The following VPS13D variants were observed in gnomAD, a reference collection of about 807,000 sequenced individuals.
VPS13D encodes the protein vacuolar protein sorting 13 homolog D, also known as intermembrane lipid transfer protein VPS13D.
In VPS13D, 187 loss-of-function variants were observed where a neutral mutation model predicts 461.9. The ratio of observed to expected loss-of-function variants is 0.40; its 90% confidence interval spans 0.36 to 0.46. The LOEUF (loss-of-function observed/expected upper bound fraction) is 0.46. VPS13D is among the 20% of genes least tolerant of loss of function. VPS13D has a pLI of 0.60. For synonymous variants in VPS13D, 1,951 were observed against 1,986.3 expected, an observed-to-expected ratio of 0.98 and a Z score of 0.47; for missense variants, 4,711 against 5,364.9, an observed-to-expected ratio of 0.88 and a Z score of 3.81.
At chr1:12,440,573 C>G (rs1287575225) in intron 65 of VPS13D, among the ~76,000 whole-genome samples, 1 of 152,110 alleles carries the variant, frequency 6.6e-6, no homozygotes, top group Non-Finnish European at 1.5e-5. Context: ...TCTATTTATG[C>G]AATTTAAAGT....
chr1:12,273,120 T>C lies in VPS13D; in HGVS notation c.2221T>C (p.Leu741=). 1 of 1,614,084 alleles carries C rather than the reference T, an allele frequency of 6.2e-7. No individual in the cohort carries two copies. Among genetic ancestry groups the C allele is most frequent in the Non-Finnish European group, 8.5e-7 (1 of 1,179,978 alleles). ...LVVVDLGRML[L]TNTQDNSRRK... The stretch of plus-strand genomic sequence containing the variant: ...TGTCGTGGATCTAGGAAGAATGCTT[T>C]TGACGAACACCCAAGGTATAGTGTG... Residue 741 remains leucine (L), a synonymous_variant, in exon 18 of 70, where the codon TTG becomes CTG. Transcript: ENST00000620676.
At position 12,349,907 on chromosome 1, in the gene VPS13D, C is replaced by G. The variant is rs369854175; in HGVS notation, c.9431+533C>G. ...ATAATACTGGATTGCTATGTTACACCCTAACAAATTTAGACTTTCAACTTA... is the reference window on the plus strand; with the variant it reads ...ATAATACTGGATTGCTATGTTACACGCTAACAAATTTAGACTTTCAACTTA... On this transcript the variant is annotated intron_variant, in intron 46 of 69. Transcript: ENST00000620676. Among the ~76,000 whole-genome samples the G allele has an allele frequency of 4.6e-5, 7 of 152,106 alleles. No homozygotes were observed. The South Asian group carries it at 1.5e-3, about 32-fold the overall frequency.
At position 12,495,927 on chromosome 1, in the gene VPS13D, C is replaced by CT. The variant is rs1465709449; in HGVS notation, c.12663-1572dup. ...AAGCTCCTTCCCCCAACCCCGCTGC[C>CT]TGCAGAGGTTACCAGCATCCTCTCG... On this transcript the variant is annotated intron_variant, in intron 67 of 69. Transcript: ENST00000620676. This position sits in a 1 kb window ranked among gnomAD's most constrained non-coding sequence, Gnocchi z 4.0. Among the ~76,000 whole-genome samples the CT allele has an allele frequency of 6.6e-6, 1 of 152,222 alleles. No homozygotes were observed. The highest frequency in any genetic ancestry group is 1.5e-5 in the Non-Finnish European group (1 of 68,040).
chr1:12,363,951 C>CAAA (rs70987247), intron 52 of VPS13D, among the ~76,000 whole-genome samples: 4 of 44,576 alleles, frequency 9.0e-5, no homozygotes, highest in Admixed American at 7.2e-4. Context: ...GACTCTATCT[C>CAAA]AAAAAAAAAA....
intron 61 of VPS13D, among the ~76,000 whole-genome samples, chr1:12,401,270 A>G (rs1419975786): frequency 6.6e-6 from 1 of 152,130 alleles, no homozygotes; most frequent in Non-Finnish European, 1.5e-5. Flanking sequence ...CGGATCCACA[A>G]GCCCAGCCAT....
intron 67 of VPS13D, among the ~76,000 whole-genome samples, chr1:12,487,112 A>G (rs921131704): frequency 2.6e-5 from 4 of 152,130 alleles, no homozygotes; most frequent in African/African-American, 9.7e-5. Context: ...GGCCTGAAAC[A>G]GATTCTCTTT....
At chr1:12,242,668 T>A in intron 3 of VPS13D, 78 bp downstream of exon 3, 1 of 1,293,000 alleles carries the variant, frequency 7.7e-7, no homozygotes, top group East Asian at 2.3e-5. Flanking sequence ...CCCTGGAGTT[T>A]GTATTGATTT....
rs190779486 is a variant in VPS13D, at chr1:12,498,213, T to C, written c.12794+582T>C. ...AGAGATCCTTGTAGCATGAAAGTGC[T>C]CTATAACCTGAATAGGTGTTAGAAC... On this transcript the variant is annotated intron_variant, in intron 68 of 69. Transcript: ENST00000620676. Among the ~76,000 whole-genome samples the C allele has an allele frequency of 8.5e-5, 13 of 152,338 alleles. 1 individual carries two copies. The highest frequency in any genetic ancestry group is 3.1e-4 in the African/African-American group (13 of 41,570).
chr1:12,257,760 T>C (rs750346248), intron 9 of VPS13D, among the ~76,000 whole-genome samples, 175 bp from the exon 10 acceptor site: 84 of 142,532 alleles, frequency 5.9e-4, no homozygotes, highest in Non-Finnish European at 6.2e-4. Context: ...CTTTGGCAGA[T>C]TTGCCTTCTC....
intron 7 of VPS13D, among the ~76,000 whole-genome samples, chr1:12,254,513 CTTTTTTTTTTT>C (rs1017635589): frequency 0.051 from 4,017 of 78,188 alleles, 194 homozygotes; most frequent in African/African-American, 0.18. Flanking sequence ...AAATCTCAAT[CTTTTTTTTTTT>C]TTTTTTTTTT....
chr1:12,307,751 C>T (rs1173895090), intron 26 of VPS13D, among the ~76,000 whole-genome samples: 1 of 152,138 alleles, frequency 6.6e-6, no homozygotes, highest in Non-Finnish European at 1.5e-5. Context: ...CTCAGCCTCC[C>T]AAAGTGCTGG....
At chr1:12,448,664 A>G (rs1645224161) in intron 65 of VPS13D, among the ~76,000 whole-genome samples, 1 of 152,224 alleles carries the variant, frequency 6.6e-6, no homozygotes. Flanking sequence ...TATAGGGAAA[A>G]TAGGATTTGA....
chr1:12,244,491 G>A, intron 4 of VPS13D, 46 bp from the exon 5 acceptor site: 1 of 1,613,962 alleles, frequency 6.2e-7, no homozygotes, highest in Non-Finnish European at 8.5e-7. Context: ...CGTGTAAGAT[G>A]AGCAAGAACA....
At position 12,354,079 on chromosome 1, in the gene VPS13D, T is replaced by C; in HGVS notation, c.9537T>C (p.Tyr3179=). The change falls in exon 47 of 70, where the codon TAT becomes TAC. Residue 3179 remains tyrosine (Y), a synonymous_variant. Transcript: ENST00000620676. ...QIFRQPGHTI[Y]LLPTVVICNL... Reference sequence around the variant, plus strand: ...TCAGACAGCCTGGGCATACCATATATCTCCTGCCAACTGTGGTAATCTGCA... The same window carrying C: ...TCAGACAGCCTGGGCATACCATATACCTCCTGCCAACTGTGGTAATCTGCA... 3 of 1,614,154 alleles carry C rather than the reference T, an allele frequency of 1.9e-6. No homozygotes were observed. Among genetic ancestry groups the C allele is most frequent in the Non-Finnish European group, 2.5e-6 (3 of 1,180,038 alleles).
At chr1:12,339,951 C>T (rs979842317) in intron 40 of VPS13D, among the ~76,000 whole-genome samples, 3 of 152,220 alleles carry the variant, frequency 2.0e-5, no homozygotes, top group African/African-American at 7.2e-5. Flanking sequence ...TGGAAACTTA[C>T]AGTCTGGCTC....
intron 65 of VPS13D, among the ~76,000 whole-genome samples, chr1:12,418,760 T>G (rs1013645471): frequency 6.6e-5 from 10 of 152,202 alleles, no homozygotes; most frequent in African/African-American, 2.2e-4. Context: ...AAGCCATTAG[T>G]GCTCTTGAAA....
chr1:12,454,415 A>G (rs1557448723), intron 65 of VPS13D, among the ~76,000 whole-genome samples: 7 of 152,358 alleles, frequency 4.6e-5, no homozygotes, highest in South Asian at 4.1e-4. Context: ...TAATTCTCTC[A>G]TTAGACAGGC....
chr1:12,278,147 C>T, intron 19 of VPS13D, 109 bp downstream of exon 19: 2 of 1,173,942 alleles, frequency 1.7e-6, no homozygotes, highest in South Asian at 1.7e-5. Context: ...TTAGAATAAT[C>T]CTCAGTTAAT....
Position 12,385,327 on chromosome 1 carries a change from A to G in VPS13D, c.11438A>G (p.Gln3813Arg). Reference protein sequence around the residue: ...YEVDELPVTEQELQKLKNPDT... With the variant: ...YEVDELPVTERELQKLKNPDT... Reference sequence around the variant, plus strand: ...GTGGATGAACTTCCTGTCACCGAACAAGAGCTGCAGAAATTAAAGAATCCA... The same window carrying G: ...GTGGATGAACTTCCTGTCACCGAACGAGAGCTGCAGAAATTAAAGAATCCA... The change falls in exon 59 of 70, where the codon CAA becomes CGA. Residue 3813 changes from glutamine (Q) to arginine (R), a missense_variant. By Grantham distance (43) the Gln-to-Arg change is conservative. This residue lies in a region of VPS13D where 4,411 missense variants were observed against 4,937.8 expected (regional missense o/e 0.89). Transcript: ENST00000620676. 6.2e-7 allele frequency: 1 copy of G among 1,614,032 alleles called. No individual in the cohort carries two copies. The highest frequency in any genetic ancestry group is 8.5e-7 in the Non-Finnish European group (1 of 1,179,924).
Sources: gnomAD v4.1 joint callset for allele counts (sites outside exome capture counted in the v4.1 genomes callset) on GRCh38, gnomAD v4.1.1 for gene constraint, gnomAD v4.1.1 regional missense constraint, Gnocchi (gnomAD v3.1) non-coding constraint, MANE v1.5 for transcripts, NCBI Gene and HGNC (gene_info 2026-07-23, HGNC 2026-07-21) for gene names.